Variants in UGGT2 observed in about 807,000 individuals in gnomAD.
UGGT2 encodes the protein UDP-glucose:glycoprotein glucosyltransferase 2.
A neutral mutation model predicts 192.1 loss-of-function variants in UGGT2; 180 were observed. The ratio of observed to expected loss-of-function variants is 0.94; its 90% CI spans 0.83 to 1.06. The LOEUF (loss-of-function observed/expected upper bound fraction) is 1.06, where lower values mean the gene tolerates loss of function less well. UGGT2 is among the 50% of genes least tolerant of loss of function. The pLI is 0.00. For synonymous variants in UGGT2, 580 were observed against 591.0 expected, an observed-to-expected ratio of 0.98 and a Z score of 0.27; for missense variants, 1,849 against 1,795.7, an observed-to-expected ratio of 1.03 and a Z score of -0.54.
At chr13:95,990,512 A>G (rs2051424227) in intron 7 of UGGT2, 2 of 152,298 alleles carry the variant, frequency 1.3e-5, no homozygotes, top group South Asian at 4.1e-4. Context: ...ATAAAAAACT[A>G]AAATAAGATA....
intron 38 of UGGT2, chr13:95,809,397 T>TA: frequency 1.0e-5 from 4 of 399,244 alleles, no homozygotes; most frequent in South Asian, 7.7e-5. Context: ...AAATCTTCTT[T>TA]ACTTTCTTGA....
intron 8 of UGGT2, among the ~76,000 whole-genome samples, chr13:95,987,660 G>A (rs1221359339): frequency 6.6e-6 from 1 of 152,104 alleles, no homozygotes; most frequent in Non-Finnish European, 1.5e-5. Flanking sequence ...CACAAACCAT[G>A]CTAAGGGGTT....
At chr13:96,047,789 T>C (rs1290078759) in intron 1 of UGGT2, among the ~76,000 whole-genome samples, 1 of 152,072 alleles carries the variant, frequency 6.6e-6, no homozygotes, top group Admixed American at 6.5e-5. Flanking sequence ...GAGCTAACTA[T>C]CCTAAATACA....
At chr13:95,930,767 G>C (rs1349570527) in intron 17 of UGGT2, among the ~76,000 whole-genome samples, 1 of 152,180 alleles carries the variant, frequency 6.6e-6, no homozygotes, top group African/African-American at 2.4e-5. Flanking sequence ...GAGTGTTACA[G>C]TTCTTAAAGA....
intron 20 of UGGT2, among the ~76,000 whole-genome samples, chr13:95,924,832 T>G (rs551877108): frequency 6.6e-6 from 1 of 152,174 alleles, no homozygotes; most frequent in Non-Finnish European, 1.5e-5. Context: ...TGCAGTGGCA[T>G]GTAAGTGAGT....
chr13:95,901,798 T>C (rs943171257), intron 21 of UGGT2, among the ~76,000 whole-genome samples: 5 of 152,056 alleles, frequency 3.3e-5, no homozygotes, highest in Non-Finnish European at 4.4e-5. Flanking sequence ...GGCCCTGATC[T>C]TTACCTCCAA....
At chr13:95,958,808 T>C (rs1411949123) in intron 12 of UGGT2, among the ~76,000 whole-genome samples, 1 of 152,160 alleles carries the variant, frequency 6.6e-6, no homozygotes, top group Non-Finnish European at 1.5e-5. Flanking sequence ...TAGGCTGGGA[T>C]TGGCTGGAAG....
intron 37 of UGGT2, among the ~76,000 whole-genome samples, chr13:95,836,048 T>G (rs560840400): frequency 6.6e-6 from 1 of 151,736 alleles, no homozygotes; most frequent in Non-Finnish European, 1.5e-5. Context: ...GCCCTTTTTT[T>G]TTGTTTGTTT....
intron 20 of UGGT2, among the ~76,000 whole-genome samples, chr13:95,912,714 C>T (rs183000902): frequency 0.014 from 2,159 of 152,258 alleles, 28 homozygotes; most frequent in South Asian, 0.055. Context: ...CAATGACTTT[C>T]TTCACAGAAT....
At chr13:95,866,253 C>T (rs1890644971) in intron 30 of UGGT2, among the ~76,000 whole-genome samples, 1 of 152,090 alleles carries the variant, frequency 6.6e-6, no homozygotes. Flanking sequence ...TTCATGTTCC[C>T]AGCAATTATT....
chr13:96,047,679 T>A (rs1214381634), intron 1 of UGGT2, among the ~76,000 whole-genome samples: 5 of 152,080 alleles, frequency 3.3e-5, no homozygotes, highest in African/African-American at 1.2e-4. Context: ...AAGCAGGGGT[T>A]GCAATCCTAG....
At chr13:95,909,818 A>AT (rs2048426633) in intron 20 of UGGT2, among the ~76,000 whole-genome samples, 1 of 149,106 alleles carries the variant, frequency 6.7e-6, no homozygotes, top group South Asian at 2.1e-4. Context: ...AAAAAAAAAA[A>AT]AACTGTTAAG....
chr13:95,810,707 T>C (rs1255133622), intron 38 of UGGT2, among the ~76,000 whole-genome samples: 5 of 151,958 alleles, frequency 3.3e-5, no homozygotes. Context: ...TGTTAAAGGG[T>C]CAAATGTAGT....
At chr13:95,899,986 C>A (rs2048056336) in intron 22 of UGGT2, among the ~76,000 whole-genome samples, 1 of 152,070 alleles carries the variant, frequency 6.6e-6, no homozygotes. Flanking sequence ...ATTCAAGCCA[C>A]AGATACGTGA....
chr13:95,823,806 G>A (rs1885743727), intron 38 of UGGT2, among the ~76,000 whole-genome samples: 1 of 151,954 alleles, frequency 6.6e-6, no homozygotes, highest in African/African-American at 2.4e-5. Flanking sequence ...AATATTAGTT[G>A]TTACCTAGAT....
At chr13:95,850,045 A>G (rs952716361) in intron 36 of UGGT2, among the ~76,000 whole-genome samples, 9 of 151,272 alleles carry the variant, frequency 5.9e-5, no homozygotes, top group African/African-American at 2.2e-4. Flanking sequence ...TTATTGCATT[A>G]GCCAAGACCT....
chr13:95,935,061 T>C (rs1277601879), intron 17 of UGGT2, among the ~76,000 whole-genome samples: 1 of 152,234 alleles, frequency 6.6e-6, no homozygotes, highest in Non-Finnish European at 1.5e-5. Context: ...GGTTTTGTTT[T>C]GTTTTGTTTG....
intron 20 of UGGT2, among the ~76,000 whole-genome samples, chr13:95,913,401 A>G (rs2048569290): frequency 6.6e-6 from 1 of 152,218 alleles, no homozygotes; most frequent in Admixed American, 6.5e-5. Flanking sequence ...AGAAAAAAAC[A>G]AACAACCCCA....
chr13:95,944,129 C>T (rs184469107), intron 15 of UGGT2, among the ~76,000 whole-genome samples: 215 of 151,958 alleles, frequency 1.4e-3, no homozygotes, highest in African/African-American at 4.8e-3. Flanking sequence ...TTTTTATATA[C>T]CTGCTGGATT....
Sources: gnomAD v4.1 joint callset for allele counts (sites outside exome capture counted in the v4.1 genomes callset) on GRCh38, gnomAD v4.1.1 for gene constraint, MANE v1.5 for transcripts, NCBI Gene and HGNC (gene_info 2026-07-23, HGNC 2026-07-21) for gene names.